RTN1: variants seen among roughly 807,000 people sequenced by gnomAD.
The protein encoded by RTN1 is reticulon 1.
A neutral mutation model predicts 65.5 loss-of-function variants in RTN1; 25 were observed. The ratio of observed to expected loss-of-function variants is 0.38; its 90% CI spans 0.28 to 0.53. The LOEUF (loss-of-function observed/expected upper bound fraction) is 0.53, where lower values mean the gene tolerates loss of function less well. Ranked by LOEUF, RTN1 falls within the 20% of genes least tolerant of loss-of-function variation. RTN1 has a pLI of 0.79. For missense variants in RTN1, 983 were observed against 1,025.4 expected, an observed-to-expected ratio of 0.96 and a Z score of 0.57; for synonymous variants, 471 against 447.6, an observed-to-expected ratio of 1.05 and a Z score of -0.66.
intron 3 of RTN1, among the ~76,000 whole-genome samples, chr14:59,709,790 A>C (rs1334401364): frequency 2.6e-5 from 4 of 152,202 alleles, no homozygotes; most frequent in Non-Finnish European, 4.4e-5. Context: ...GAAGCATTTT[A>C]TGTAAGAGGG....
At chr14:59,812,670 G>C (rs1433517254) in intron 1 of RTN1, among the ~76,000 whole-genome samples, 1 of 152,186 alleles carries the variant, frequency 6.6e-6, no homozygotes, top group Non-Finnish European at 1.5e-5. Context: ...TAGTTTCACT[G>C]AGTGTTTCTC....
At chr14:59,699,357 A>G (rs568652443) in intron 3 of RTN1, among the ~76,000 whole-genome samples, 82 of 152,282 alleles carry the variant, frequency 5.4e-4, no homozygotes, top group African/African-American at 1.9e-3. Flanking sequence ...TCAAACTAGA[A>G]TACCTTTACT....
intron 3 of RTN1, among the ~76,000 whole-genome samples, chr14:59,632,082 T>C (rs1882568266): frequency 6.6e-6 from 1 of 152,214 alleles, no homozygotes; most frequent in South Asian, 2.1e-4. Flanking sequence ...ATACGATCTT[T>C]GGGATCATGT....
rs188877958 is a variant in RTN1 at position 59,608,001 on chromosome 14, T to A, written c.1766-509A>T. On this transcript the variant is annotated intron_variant, in intron 3 of 8. Transcript: ENST00000267484. The stretch of plus-strand genomic sequence containing the variant: ...TTGCTTACATTCTGTGATTTAAAAA[T>A]CTGAAATGAAACCTTTAAAATCTAC... Among the ~76,000 whole-genome samples the A allele has an allele frequency of 1.8e-4, 27 of 152,238 alleles. No individual in the cohort carries two copies. The East Asian group carries it at 5.0e-3, about 28-fold the overall frequency.
chr14:59,624,900 A>G (rs1438811550), intron 3 of RTN1, among the ~76,000 whole-genome samples: 1 of 152,246 alleles, frequency 6.6e-6, no homozygotes, highest in African/African-American at 2.4e-5. Flanking sequence ...TTATTCTGAA[A>G]GCTAACCACT....
chr14:59,769,525 C>T (rs1885913892), intron 1 of RTN1, among the ~76,000 whole-genome samples: 1 of 152,194 alleles, frequency 6.6e-6, no homozygotes, highest in South Asian at 2.1e-4. Flanking sequence ...CCTGAAGGAG[C>T]AAACGCTGCT....
intron 3 of RTN1, 110 bp downstream of exon 3, chr14:59,726,809 T>C: frequency 1.1e-6 from 1 of 895,802 alleles, no homozygotes; most frequent in Non-Finnish European, 1.7e-6. Flanking sequence ...GGTCAACTGT[T>C]TGATCAGCAT....
chr14:59,813,565 G>T (rs564594867), intron 1 of RTN1, among the ~76,000 whole-genome samples: 1 of 152,290 alleles, frequency 6.6e-6, no homozygotes, highest in East Asian at 1.9e-4. Flanking sequence ...ATAAAACCAA[G>T]CATAGAGCTA....
At chr14:59,721,774 T>C (rs1024435649) in intron 3 of RTN1, among the ~76,000 whole-genome samples, 3 of 152,246 alleles carry the variant, frequency 2.0e-5, no homozygotes, top group Non-Finnish European at 4.4e-5. Flanking sequence ...GGTGATAATT[T>C]TATAACCAAA....
intron 3 of RTN1, among the ~76,000 whole-genome samples, chr14:59,665,234 G>A (rs1432047544): frequency 2.0e-5 from 3 of 152,194 alleles, no homozygotes; most frequent in Non-Finnish European, 4.4e-5. Flanking sequence ...CAGACTAACA[G>A]CGGATCTCTC....
chr14:59,837,930 G>C (rs1035518697), intron 1 of RTN1, among the ~76,000 whole-genome samples: 7 of 151,996 alleles, frequency 4.6e-5, no homozygotes, highest in Non-Finnish European at 5.9e-5. Context: ...TGGGGGGTTT[G>C]GGGTCTTTTT....
At chr14:59,685,239 T>C (rs1883823087) in intron 3 of RTN1, among the ~76,000 whole-genome samples, 1 of 152,202 alleles carries the variant, frequency 6.6e-6, no homozygotes, top group African/African-American at 2.4e-5. Flanking sequence ...TGAGAGCTTT[T>C]CTTCTGAGAC....
intron 1 of RTN1, among the ~76,000 whole-genome samples, chr14:59,778,306 T>A (rs909326739): frequency 6.6e-6 from 1 of 152,230 alleles, no homozygotes; most frequent in Non-Finnish European, 1.5e-5. Context: ...GTATGCTTTT[T>A]CTCATCATGG....
intron 3 of RTN1, among the ~76,000 whole-genome samples, chr14:59,680,929 T>C (rs1354408451): frequency 6.6e-6 from 1 of 152,122 alleles, no homozygotes; most frequent in Non-Finnish European, 1.5e-5. Context: ...AAAAGAAGTA[T>C]ATGAATTTAT....
At position 59,790,670 on chromosome 14, in the gene RTN1, T is replaced by G. The variant is rs1372448224; in HGVS notation, c.242-44189A>C. Among the ~76,000 whole-genome samples the G allele has an allele frequency of 6.6e-6, 1 of 152,206 alleles. No individual in the cohort carries two copies. Among genetic ancestry groups the G allele is most frequent in the Admixed American group, 6.5e-5 (1 of 15,268 alleles). Reference sequence around the variant, plus strand: ...CCTAGCACAAAGTTTACTCTTTTGATGTGTAAAATCAGTTACTTCAAGACT... The same window carrying G: ...CCTAGCACAAAGTTTACTCTTTTGAGGTGTAAAATCAGTTACTTCAAGACT... On this transcript the variant is annotated intron_variant, in intron 1 of 8. Transcript: ENST00000267484. This position sits in a 1 kb window ranked among gnomAD's most constrained non-coding sequence, Gnocchi z 4.1.
At chr14:59,692,154 G>A (rs543860658) in intron 3 of RTN1, among the ~76,000 whole-genome samples, 14 of 152,242 alleles carry the variant, frequency 9.2e-5, no homozygotes, top group Admixed American at 9.2e-4. Context: ...TCTCTTTGTA[G>A]ACAATATGAT....
intron 8 of RTN1, 148 bp from the exon 9 acceptor site, chr14:59,596,935 C>T: frequency 1.8e-6 from 1 of 548,736 alleles, no homozygotes; most frequent in Non-Finnish European, 3.3e-6. Context: ...TGCAAATACT[C>T]TTCTATAAAG....
chr14:59,638,091 A>T (rs1473207678), intron 3 of RTN1, among the ~76,000 whole-genome samples: 1 of 152,232 alleles, frequency 6.6e-6, no homozygotes, highest in East Asian at 1.9e-4. Context: ...ATCTCAGGTG[A>T]TCCGCCCCCT....
intron 1 of RTN1, among the ~76,000 whole-genome samples, chr14:59,754,012 G>C (rs976375007): frequency 6.6e-6 from 1 of 152,102 alleles, no homozygotes; most frequent in African/African-American, 2.4e-5. Flanking sequence ...GCTGTTCTGG[G>C]AAGACACAGC....
Sources: gnomAD v4.1 joint callset for allele counts (sites outside exome capture counted in the v4.1 genomes callset) on GRCh38, gnomAD v4.1.1 for gene constraint, Gnocchi (gnomAD v3.1) non-coding constraint, MANE v1.5 for transcripts, NCBI Gene and HGNC (gene_info 2026-07-23, HGNC 2026-07-21) for gene names.